The following IL19 variants were observed in gnomAD, a reference collection of about 807,000 sequenced individuals.
The protein encoded by IL19 is interleukin 19.
Under a neutral mutation model 19.5 loss-of-function variants are expected in IL19, and 15 were observed. That is an observed-to-expected ratio of 0.77 (90% CI 0.52 to 1.19). The LOEUF is 1.19. Ranked by LOEUF, IL19 falls within the 50% of genes most tolerant of loss-of-function variation. The pLI is 0.00. For synonymous variants in IL19, 78 were observed against 78.3 expected, an observed-to-expected ratio of 1.00 and a Z score of 0.02; for missense variants, 199 against 213.1, an observed-to-expected ratio of 0.93 and a Z score of 0.41.
At chr1:206,808,443 G>A (rs1675910302) in intron 2 of IL19, among the ~76,000 whole-genome samples, 1 of 152,122 alleles carries the variant, frequency 6.6e-6, no homozygotes, top group South Asian at 2.1e-4. Flanking sequence ...CTGTGGCCTT[G>A]AAGGAAGGAT....
At chr1:206,782,563 G>C (rs1054603375) in intron 1 of IL19, among the ~76,000 whole-genome samples, 38 of 152,210 alleles carry the variant, frequency 2.5e-4, no homozygotes, top group Non-Finnish European at 5.9e-5. Context: ...TCTTTATTCA[G>C]AGTTTCCAAA....
chr1:206,808,501 G>A (rs578178612), intron 2 of IL19, among the ~76,000 whole-genome samples: 462 of 34,202 alleles, frequency 0.014, 2 homozygotes, highest in African/African-American at 0.052. Context: ...GTGTGTGTGC[G>A]TGTGTGTGTG....
intron 1 of IL19, among the ~76,000 whole-genome samples, chr1:206,782,020 TA>T (rs66925029): frequency 0.02 from 933 of 47,364 alleles, 17 homozygotes; most frequent in Non-Finnish European, 0.032. Context: ...TATATGTATA[TA>T]GTTATATATA....
At chr1:206,783,343 A>G (rs1675191238) in intron 1 of IL19, among the ~76,000 whole-genome samples, 1 of 152,238 alleles carries the variant, frequency 6.6e-6, no homozygotes, top group African/African-American at 2.4e-5. Flanking sequence ...TGATGATTTT[A>G]AAAGTATTCT....
At chr1:206,839,626 C>T (rs954155731) in intron 4 of IL19, among the ~76,000 whole-genome samples, 8 of 152,118 alleles carry the variant, frequency 5.3e-5, no homozygotes, top group Non-Finnish European at 1.0e-4. Context: ...ATGTATTTCT[C>T]GGCCATACAG....
Position 206,842,887 on chromosome 1 carries a change from T to C in IL19, c.*265T>C, listed in dbSNP as rs1411658006. ...TCCCATCTAATTTATTGTAAAGTCA[T>C]ATAGTCCATGTCTGTGATGTGAGCC... On this transcript the variant is annotated 3_prime_UTR_variant, in exon 7 of 7. Coordinates refer to ENST00000659997, the MANE Select transcript of IL19 (RefSeq NM_153758.5). 12 of 360,852 alleles carry C rather than the reference T, an allele frequency of 3.3e-5. No individual in the cohort carries two copies. In the East Asian group the frequency reaches 6.0e-4, roughly 18 times the overall value. 22.4% of individuals were successfully genotyped at this position (360,852 alleles called of 1,614,324 possible). A position where few individuals can be genotyped will look rare whatever the true frequency, so the allele number is the denominator to read the frequency against.
At chr1:206,822,978 G>A (rs1389944918) in intron 2 of IL19, among the ~76,000 whole-genome samples, 1 of 151,932 alleles carries the variant, frequency 6.6e-6, no homozygotes, top group African/African-American at 2.4e-5. Flanking sequence ...TGCCTGGGCT[G>A]GAGTATAGTG....
At position 206,842,910 on chromosome 1, in the gene IL19, G is replaced by A. The variant is rs1572579710; in HGVS notation, c.*288G>A. On this transcript the variant is annotated 3_prime_UTR_variant, in exon 7 of 7. Transcript: ENST00000659997. ...CATATAGTCCATGTCTGTGATGTGA[G>A]CCAAGTGATATCCTGTAGTACACAT... The A allele has an allele frequency of 3.6e-6, 1 of 280,558 alleles. No individual in the cohort carries two copies. Among genetic ancestry groups the A allele is most frequent in the African/African-American group, 2.2e-5 (1 of 46,068 alleles). 17.4% of individuals were successfully genotyped at this position (280,558 alleles called of 1,614,324 possible).
In IL19 at chr1:206,839,796, C is replaced by G. The variant is rs1332357473; in HGVS notation, c.211-54C>G. 12 of 1,517,568 alleles carry G rather than the reference C, an allele frequency of 7.9e-6. No individual in the cohort carries two copies. In the Middle Eastern group the frequency reaches 6.0e-4, roughly 75 times the overall value. 94.0% of individuals were successfully genotyped at this position (1,517,568 alleles called of 1,614,324 possible). On this transcript the variant is annotated intron_variant, in intron 4 of 6. Transcript: ENST00000659997. Reference sequence around the variant, plus strand: ...CCCTACTCAAATGGACTGCCCTGGTCTCCAACATAATGAGAGAAGAGGCCT... The same window carrying G: ...CCCTACTCAAATGGACTGCCCTGGTGTCCAACATAATGAGAGAAGAGGCCT...
chr1:206,810,339 T>C (rs1675971089), intron 2 of IL19, among the ~76,000 whole-genome samples: 1 of 152,190 alleles, frequency 6.6e-6, no homozygotes, highest in Admixed American at 6.5e-5. Context: ...TGGCATATGT[T>C]CAATAAGGCT....
intron 1 of IL19, among the ~76,000 whole-genome samples, chr1:206,791,066 G>C (rs1028026816): frequency 6.6e-6 from 1 of 152,180 alleles, no homozygotes; most frequent in Non-Finnish European, 1.5e-5. Context: ...CACCTCATTT[G>C]CTGATCAAGA....
At chr1:206,800,355 C>A (rs370905410) in intron 2 of IL19, among the ~76,000 whole-genome samples, 2 of 152,088 alleles carry the variant, frequency 1.3e-5, no homozygotes, top group East Asian at 1.9e-4. Context: ...TGGGGCAGGG[C>A]AGTGGTGGTG....
chr1:206,823,647 C>CTATTTTA (rs1254367755), intron 2 of IL19, among the ~76,000 whole-genome samples: 1 of 151,682 alleles, frequency 6.6e-6, no homozygotes, highest in Non-Finnish European at 1.5e-5. Flanking sequence ...ATTCCATTAT[C>CTATTTTA]TATTTTATTT....
In IL19 at chr1:206,823,428, G is replaced by A. The variant is rs547769278; in HGVS notation, c.-2-13233G>A. Reference sequence around the variant, plus strand: ...AAATTAGCTGGGCGTGGTGGCGTGCGCCTGCAGTCCCAGCTACTCGGGTTG... The same window carrying A: ...AAATTAGCTGGGCGTGGTGGCGTGCACCTGCAGTCCCAGCTACTCGGGTTG... On this transcript the variant is annotated intron_variant, in intron 2 of 6. Transcript: ENST00000659997. Among the ~76,000 whole-genome samples, 18 of 151,902 alleles carry A rather than the reference G, an allele frequency of 1.2e-4. No individual in the cohort carries two copies. The South Asian group carries it at 3.1e-3, about 26-fold the overall frequency.
At chr1:206,810,018 C>A (rs997763729) in intron 2 of IL19, among the ~76,000 whole-genome samples, 1 of 152,230 alleles carries the variant, frequency 6.6e-6, no homozygotes, top group African/African-American at 2.4e-5. Flanking sequence ...TTTATTGCCA[C>A]TTGCCTCACC....
chr1:206,792,977 A>T (rs1417589235), intron 1 of IL19, among the ~76,000 whole-genome samples: 1 of 152,236 alleles, frequency 6.6e-6, no homozygotes, highest in Non-Finnish European at 1.5e-5. Flanking sequence ...TGCCTGGCAC[A>T]AAGGTACCAC....
At chr1:206,840,286 AG>A in intron 5 of IL19, 1 of 570,364 alleles carries the variant, frequency 1.8e-6, no homozygotes, top group Non-Finnish European at 3.3e-6. Context: ...CAAGGACTCC[AG>A]TTCTACTGTA....
Position 206,839,961 on chromosome 1 carries a change from G to A in IL19, c.322G>A (p.Ala108Thr). 6.2e-7 allele frequency: 1 copy of A among 1,614,150 alleles called. No individual in the cohort carries two copies. The highest frequency in any genetic ancestry group is 8.5e-7 in the Non-Finnish European group (1 of 1,180,016). The change falls in exon 5 of 7, where the codon GCC (alanine) becomes ACC (threonine). Residue 108 changes from alanine to threonine, a missense_variant. By Grantham distance (58) the Ala-to-Thr change is moderately conservative. Transcript: ENST00000659997. ...PKILRKISSI[A>T]NSFLYMQKTL... ...AATCTTGAGAAAAATCAGCAGCATT[G>A]CCAACTCTTTCCTCTACATGCAGAA...
chr1:206,833,000 G>T (rs1309009647), intron 2 of IL19, among the ~76,000 whole-genome samples: 1 of 152,204 alleles, frequency 6.6e-6, no homozygotes, highest in Non-Finnish European at 1.5e-5. Context: ...GTTTGTACCA[G>T]CCCAGTGGGG....
Sources: allele counts gnomAD v4.1 joint callset (sites outside exome capture counted in the v4.1 genomes callset), GRCh38; gene constraint gnomAD v4.1.1; transcripts MANE v1.5; gene names NCBI Gene and HGNC (gene_info 2026-07-23, HGNC 2026-07-21).